The following LUC7L3 variants were observed in gnomAD, a reference collection of about 807,000 sequenced individuals.
LUC7L3 encodes the protein luc7-like protein 3.
LUC7L3 carries 6 observed loss-of-function variants against 66.8 expected under a neutral mutation model. The observed-to-expected ratio is 0.09, with a 90% CI of 0.05 to 0.18. The LOEUF is 0.18. Among genes scored for constraint, LUC7L3 ranks in the 10% least tolerant of loss-of-function variants. LUC7L3 has a pLI of 1.00. For missense variants in LUC7L3, 341 were observed against 531.1 expected (o/e 0.64, Z 3.52); for synonymous variants, 160 against 174.7 (o/e 0.92, Z 0.66).
intron 2 of LUC7L3, 33 bp from the exon 3 acceptor site, chr17:50,740,273 A>T (rs1173573416): frequency 3.3e-6 from 5 of 1,521,602 alleles, no homozygotes; most frequent in Non-Finnish European, 4.5e-6. Flanking sequence ...TAATAATCAC[A>T]GATAATTTAT....
chr17:50,750,735 A>C lies in LUC7L3; in HGVS notation c.*74A>C. 1 of 1,612,680 alleles carries C rather than the reference A, an allele frequency of 6.2e-7. No individual in the cohort carries two copies. The highest frequency in any genetic ancestry group is 8.5e-7 in the Non-Finnish European group (1 of 1,179,508). On this transcript the variant is annotated 3_prime_UTR_variant, in exon 10 of 10. Transcript: ENST00000505658. ...CTCACTTTGATTAGGGCTTTTTGTT[A>C]CTGTTTGACAGTGCAGCGTAAGTAT...
In LUC7L3 at chr17:50,752,242, TA is replaced by T. The variant is rs2143094885; in HGVS notation, c.*1584del. The T allele has an allele frequency of 7.8e-7, 1 of 1,280,844 alleles. No individual in the cohort carries two copies. The highest frequency in any genetic ancestry group is 1.5e-5 in the African/African-American group (1 of 65,590). The allele number at this position is 1,280,844 out of a possible 1,614,324, so 79.3% of individuals were successfully genotyped here. ...TTTTGGAAGAATACTGAGAACGGCA[TA>T]AAGTGAAGATCGACATTTAAAAAAT... On this transcript the variant is annotated 3_prime_UTR_variant, in exon 10 of 10. Transcript: ENST00000505658.
intron 1 of LUC7L3, among the ~76,000 whole-genome samples, chr17:50,726,159 CTTG>C (rs1969168214): frequency 1.3e-5 from 2 of 151,736 alleles, no homozygotes; most frequent in South Asian, 4.1e-4. Context: ...ACCGTATAAA[CTTG>C]TTGTTTTGCT....
At chr17:50,723,764 G>C (rs1968961216) in intron 1 of LUC7L3, 1 of 324,814 alleles carries the variant, frequency 3.1e-6, no homozygotes, top group African/African-American at 2.3e-5. Context: ...AGCGTCCCGA[G>C]TAATTGGGAT....
Position 50,751,252 on chromosome 17 carries a change from G to A in LUC7L3, c.*591G>A, listed in dbSNP as rs1255190254. On this transcript the variant is annotated 3_prime_UTR_variant, in exon 10 of 10. Transcript: ENST00000505658. ...CCAGTAGCATTGGATTGATGGAAGT[G>A]TAGGGTTTATGAATTATTGCAGCTG... 2 of 1,370,314 alleles carry A rather than the reference G, an allele frequency of 1.5e-6. No individual in the cohort carries two copies. The highest frequency in any genetic ancestry group is 9.6e-7 in the Non-Finnish European group (1 of 1,042,272). The allele number at this position is 1,370,314 out of a possible 1,614,324, so 84.9% of individuals were successfully genotyped here. A position where few individuals can be genotyped will look rare whatever the true frequency, so the allele number is the denominator to read the frequency against.
chr17:50,724,647 C>G (rs1269606339), intron 1 of LUC7L3, among the ~76,000 whole-genome samples: 3 of 114,308 alleles, frequency 2.6e-5, no homozygotes, highest in Non-Finnish European at 3.7e-5. Flanking sequence ...GTGTGTGTGT[C>G]ATTATATATG....
At chr17:50,735,520 A>T (rs28696142) in intron 1 of LUC7L3, among the ~76,000 whole-genome samples, 1 of 150,860 alleles carries the variant, frequency 6.6e-6, no homozygotes, top group African/African-American at 2.4e-5. Context: ...TCTTTTTTTC[A>T]AGACAGGGTG....
intron 1 of LUC7L3, chr17:50,724,248 G>C (rs1265439910): frequency 5.4e-6 from 1 of 186,482 alleles, no homozygotes; most frequent in Non-Finnish European, 1.1e-5. Flanking sequence ...AGCCGACCGG[G>C]CATGGTGGGT....
At chr17:50,731,428 A>G (rs1369613359) in intron 1 of LUC7L3, among the ~76,000 whole-genome samples, 2 of 152,232 alleles carry the variant, frequency 1.3e-5, no homozygotes, top group East Asian at 3.9e-4. Context: ...TCCGCCTCCC[A>G]AAGTGCTGGG....
chr17:50,741,327 G>C (rs984788515), intron 4 of LUC7L3, 81 bp downstream of exon 4: 1 of 1,370,030 alleles, frequency 7.3e-7, no homozygotes, highest in African/African-American at 1.5e-5. Context: ...TTTGAAACTT[G>C]TCTTCTGTTC....
rs779772844 is a variant in LUC7L3 at position 50,745,913 on chromosome 17, G to A, written c.887G>A (p.Arg296Gln). 10 of 1,613,568 alleles carry A rather than the reference G, an allele frequency of 6.2e-6. No homozygotes were observed. The highest frequency in any genetic ancestry group is 1.3e-5 in the African/African-American group (1 of 75,014). Residue 296 changes from arginine (R) to glutamine (Q), a missense_variant, in exon 8 of 10, where the codon CGA becomes CAA. Arg to Gln is a conservative substitution (Grantham distance 43, BLOSUM62 1). This residue lies in a region of LUC7L3 where 210 missense variants were observed against 238.1 expected (regional missense o/e 0.88). Coordinates refer to ENST00000505658, the MANE Select transcript of LUC7L3 (RefSeq NM_016424.5). ...DRERRKRSRS[R>Q]SRHSSRTSDR... ...GAAAGAAGAAAGAGAAGTCGTTCACGAAGTAGACACTCAAGCCGAACATCA... is the reference window on the plus strand; with the variant it reads ...GAAAGAAGAAAGAGAAGTCGTTCACAAAGTAGACACTCAAGCCGAACATCA...
At position 50,751,021 on chromosome 17, in the gene LUC7L3, C is replaced by CTT; in HGVS notation, c.*361_*362insTT. On this transcript the variant is annotated 3_prime_UTR_variant, in exon 10 of 10. Transcript: ENST00000505658. The stretch of plus-strand genomic sequence containing the variant: ...TTTTTTTTTTAATAAAAAGGTTGAA[C>CTT]TGTTTTTTTTTTTCTTTTTGGTATT... 1 of 1,396,580 alleles carries CTT rather than the reference C, an allele frequency of 7.2e-7. No homozygotes were observed. Among genetic ancestry groups the CTT allele is most frequent in the Non-Finnish European group, 9.3e-7 (1 of 1,080,508 alleles). 86.5% of individuals were successfully genotyped at this position (1,396,580 alleles called of 1,614,324 possible).
chr17:50,735,035 A>G (rs1969882324), intron 1 of LUC7L3, among the ~76,000 whole-genome samples: 1 of 152,076 alleles, frequency 6.6e-6, no homozygotes, highest in South Asian at 2.1e-4. Context: ...GTTCGAGACC[A>G]GCCTAACCAA....
chr17:50,746,042 G>C (rs1483916159), intron 8 of LUC7L3, 39 bp downstream of exon 8: 1 of 1,544,550 alleles, frequency 6.5e-7, no homozygotes, highest in Admixed American at 2.2e-5. Flanking sequence ...AGCTCATAAT[G>C]GGTGTGCAAT....
Position 50,752,234 on chromosome 17 carries a change from G to C in LUC7L3, c.*1573G>C. 1 of 1,284,108 alleles carries C rather than the reference G, an allele frequency of 7.8e-7. No individual in the cohort carries two copies. The highest frequency in any genetic ancestry group is 1.2e-5 in the South Asian group (1 of 80,032). 79.5% of individuals were successfully genotyped at this position (1,284,108 alleles called of 1,614,324 possible). A position where few individuals can be genotyped will look rare whatever the true frequency, so the allele number is the denominator to read the frequency against. On this transcript the variant is annotated 3_prime_UTR_variant, in exon 10 of 10. Transcript: ENST00000505658. ...TCGAAGATTTTTGGAAGAATACTGAGAACGGCATAAAGTGAAGATCGACAT... is the reference window on the plus strand; with the variant it reads ...TCGAAGATTTTTGGAAGAATACTGACAACGGCATAAAGTGAAGATCGACAT...
rs1451415782 is a variant in LUC7L3, at chr17:50,754,003, AT to A, written c.*3346del. ...TTATGGAGAGAGACGTAGAAGTTGA[AT>A]TTTACACCCAAAATTGATGTGACTG... On this transcript the variant is annotated 3_prime_UTR_variant, in exon 10 of 10. Coordinates refer to ENST00000505658, the MANE Select transcript of LUC7L3 (RefSeq NM_016424.5). 6.6e-6 allele frequency: 1 copy of A among 152,160 alleles called. No individual in the cohort carries two copies. Among genetic ancestry groups the A allele is most frequent in the Non-Finnish European group, 1.5e-5 (1 of 68,026 alleles). The allele number at this position is 152,160 out of a possible 1,614,324, so 9.4% of individuals were successfully genotyped here.
intron 3 of LUC7L3, among the ~76,000 whole-genome samples, 166 bp from the exon 4 acceptor site, chr17:50,740,936 C>T (rs1970311101): frequency 6.6e-6 from 1 of 152,194 alleles, no homozygotes; most frequent in South Asian, 2.1e-4. Context: ...GGTTAAACCC[C>T]TGTGTAAAGC....
intron 1 of LUC7L3, among the ~76,000 whole-genome samples, chr17:50,720,700 G>A (rs568225978): frequency 6.6e-6 from 1 of 152,328 alleles, no homozygotes; most frequent in South Asian, 2.1e-4. Context: ...AATCTAACAT[G>A]CTAATTTTAA....
Position 50,754,622 on chromosome 17 carries a change from T to TATC in LUC7L3, c.*3964_*3966dup, listed in dbSNP as rs1276407862. 1 of 152,224 alleles carries TATC rather than the reference T, an allele frequency of 6.6e-6. No homozygotes were observed. The highest frequency in any genetic ancestry group is 2.4e-5 in the African/African-American group (1 of 41,452). The allele number at this position is 152,224 out of a possible 1,614,324, so 9.4% of individuals were successfully genotyped here. On this transcript the variant is annotated 3_prime_UTR_variant, in exon 10 of 10. Transcript: ENST00000505658. ...TCCTCTGGAATGTAGAGATAATACA[T>TATC]ATCATGCTCCTTTTTGTTAAAACGT...
Sources: allele counts gnomAD v4.1 joint callset (sites outside exome capture counted in the v4.1 genomes callset), GRCh38; gene constraint gnomAD v4.1.1; regional missense constraint gnomAD v4.1.1; transcripts MANE v1.5; gene names NCBI Gene and HGNC (gene_info 2026-07-23, HGNC 2026-07-21).